The following MYT1L variants were observed in gnomAD, a reference collection of about 807,000 sequenced individuals.
The protein encoded by MYT1L is myelin transcription factor 1-like protein.
Under a neutral mutation model 126.7 loss-of-function variants are expected in MYT1L, and 12 were observed. That is an observed-to-expected ratio of 0.09 (90% CI 0.06 to 0.15). MYT1L has a LOEUF of 0.15. Ranked by LOEUF, MYT1L falls within the 10% of genes least tolerant of loss-of-function variation. MYT1L has a pLI of 1.00. For missense variants in MYT1L, 979 were observed against 1,585.2 expected (o/e 0.62, Z 6.49); for synonymous variants, 541 against 604.2 (o/e 0.90, Z 1.53).
At position 1,922,093 on chromosome 2, in the gene MYT1L, T is replaced by A. The variant is rs2149102257; in HGVS notation, c.1483+193A>T. ...AGTAATATGATGTTAAGCTGCTTTA[T>A]GTATTTCTCAGACAAATATTTTATT... On this transcript the variant is annotated intron_variant, in intron 10 of 24. Coordinates refer to ENST00000647738, the MANE Select transcript of MYT1L (RefSeq NM_001303052.2). The surrounding 1 kb of genome is among the most constrained non-coding windows in gnomAD (Gnocchi z 7.4). Among the ~76,000 whole-genome samples the A allele has an allele frequency of 6.6e-6, 1 of 152,356 alleles. No homozygotes were observed. Among genetic ancestry groups the A allele is most frequent in the South Asian group, 2.1e-4 (1 of 4,828 alleles).
intron 2 of MYT1L, among the ~76,000 whole-genome samples, chr2:2,209,584 C>CT (rs930544247): frequency 3.3e-5 from 5 of 152,196 alleles, no homozygotes; most frequent in Non-Finnish European, 5.9e-5. Context: ...GAATCTCATT[C>CT]TTTTTTATGG....
intron 18 of MYT1L, among the ~76,000 whole-genome samples, chr2:1,868,254 C>T (rs986974454): frequency 7.2e-5 from 11 of 152,208 alleles, no homozygotes; most frequent in African/African-American, 1.2e-4. Context: ...TGAGCCACCG[C>T]GCCCGGCCTT....
At chr2:2,285,579 C>T (rs2095508189) in intron 1 of MYT1L, among the ~76,000 whole-genome samples, 1 of 152,194 alleles carries the variant, frequency 6.6e-6, no homozygotes, top group African/African-American at 2.4e-5. Flanking sequence ...TTTACCTCTA[C>T]CTGGAATGCC....
intron 2 of MYT1L, among the ~76,000 whole-genome samples, chr2:2,271,744 C>T (rs2095267576): frequency 6.6e-6 from 1 of 152,210 alleles, no homozygotes; most frequent in Non-Finnish European, 1.5e-5. Flanking sequence ...TGTCCTCACT[C>T]TGGCATTGCT....
At position 1,912,631 on chromosome 2, in the gene MYT1L, A is replaced by G. The variant is rs182779386; in HGVS notation, c.1619-521T>C. 2.4e-4 allele frequency among the ~76,000 whole-genome samples: 37 copies of G among 152,332 alleles called. No individual in the cohort carries two copies. The highest frequency in any genetic ancestry group is 8.9e-4 in the African/African-American group (37 of 41,580). On this transcript the variant is annotated intron_variant, in intron 11 of 24. Transcript: ENST00000647738. The surrounding 1 kb of genome is among the most constrained non-coding windows in gnomAD (Gnocchi z 4.3). The stretch of plus-strand genomic sequence containing the variant: ...AGATGAATACAGAACCACAAACCTT[A>G]ATTTTAAATAAAATGAATTAAATAA...
chr2:2,091,769 C>G (rs142487199), intron 3 of MYT1L, among the ~76,000 whole-genome samples: 27 of 152,336 alleles, frequency 1.8e-4, no homozygotes, highest in African/African-American at 6.0e-4. Context: ...CTTGCTGCAG[C>G]TTCTCCATCA....
intron 3 of MYT1L, among the ~76,000 whole-genome samples, chr2:2,171,402 C>T (rs1362036856): frequency 6.6e-6 from 1 of 152,140 alleles, no homozygotes; most frequent in Non-Finnish European, 1.5e-5. Flanking sequence ...TAACTCAATG[C>T]CAGAATGCCA....
At position 1,892,017 on chromosome 2, in the gene MYT1L, A is replaced by C. The variant is rs769501571; in HGVS notation, c.2283+20T>G. 1.1e-5 allele frequency: 16 copies of C among 1,494,942 alleles called. No homozygotes were observed. In the African/African-American group the frequency reaches 2.0e-4, roughly 18 times the overall value. 92.6% of individuals were successfully genotyped at this position (1,494,942 alleles called of 1,614,324 possible). ...CCTCCCCCACCCGCCAGGTGGCTCCACCTGCCCAGGCGCGCGTACCCGCGT... is the reference window on the plus strand; with the variant it reads ...CCTCCCCCACCCGCCAGGTGGCTCCCCCTGCCCAGGCGCGCGTACCCGCGT... On this transcript the variant is annotated intron_variant, in intron 15 of 24. Coordinates refer to ENST00000647738, the MANE Select transcript of MYT1L (RefSeq NM_001303052.2).
chr2:2,312,427 A>G (rs918141849), intron 1 of MYT1L, among the ~76,000 whole-genome samples: 2 of 152,078 alleles, frequency 1.3e-5, no homozygotes, highest in Non-Finnish European at 2.9e-5. Context: ...CCTGGGCAAC[A>G]TGGTGAAACC....
At chr2:2,099,620 T>C (rs915773580) in intron 3 of MYT1L, among the ~76,000 whole-genome samples, 6 of 152,196 alleles carry the variant, frequency 3.9e-5, no homozygotes, top group African/African-American at 1.4e-4. Flanking sequence ...GGTACACACA[T>C]TTACTTAGCA....
At chr2:1,978,380 C>T (rs6727561) in intron 8 of MYT1L, among the ~76,000 whole-genome samples, 28,121 of 152,160 alleles carry the variant, frequency 0.18, 3,851 homozygotes, top group African/African-American at 0.39. Flanking sequence ...TTTTACCTCA[C>T]TATAATTGAA....
intron 3 of MYT1L, among the ~76,000 whole-genome samples, chr2:2,098,406 C>T (rs1369112622): frequency 6.6e-6 from 1 of 152,206 alleles, no homozygotes. Context: ...GTTCTTAACA[C>T]TGTATGTTCA....
At chr2:2,299,754 T>A (rs2149518669) in intron 1 of MYT1L, among the ~76,000 whole-genome samples, 1 of 152,322 alleles carries the variant, frequency 6.6e-6, no homozygotes, top group African/African-American at 2.4e-5. Flanking sequence ...AGTGAGAGAC[T>A]CTTACTCACA....
rs572982783 is a variant in MYT1L at position 1,942,745 on chromosome 2, A to T, written c.505+237T>A. Among the ~76,000 whole-genome samples, 4 of 152,356 alleles carry T rather than the reference A, an allele frequency of 2.6e-5. No homozygotes were observed. The East Asian group carries it at 7.7e-4, about 29-fold the overall frequency. On this transcript the variant is annotated intron_variant, in intron 9 of 24. Transcript: ENST00000647738. ...AAGTACACCATAAATATCTCAGTAA[A>T]TTACTGACAACCAAACTGAATAAAA...
In MYT1L at chr2:1,851,795, C is replaced by A. The variant is rs4553849; in HGVS notation, c.2712-92G>T. ...TTTTAATCCAAAAAGCAAACTAACT[C>A]TATTGCTTCACTTCCTACTTGAAAG... On this transcript the variant is annotated intron_variant, in intron 18 of 24. Transcript: ENST00000647738. 0.087 allele frequency: 105,285 copies of A among 1,216,458 alleles called. 6,185 individuals are homozygous for A. The highest frequency in any genetic ancestry group is 0.25 in the Admixed American group (14,524 of 57,462). The allele number at this position is 1,216,458 out of a possible 1,614,324, so 75.4% of individuals were successfully genotyped here. A position where few individuals can be genotyped will look rare whatever the true frequency, so the allele number is the denominator to read the frequency against.
rs541006492 is a variant in MYT1L, at chr2:2,161,110, C to T, written c.-304+11762G>A. Among the ~76,000 whole-genome samples, 36 of 152,186 alleles carry T rather than the reference C, an allele frequency of 2.4e-4. No homozygotes were observed. In the East Asian group the frequency reaches 6.8e-3, roughly 29 times the overall value. On this transcript the variant is annotated intron_variant, in intron 3 of 24. Coordinates refer to ENST00000647738, the MANE Select transcript of MYT1L (RefSeq NM_001303052.2). ...GTGGTGCGTTCTGTAGTCCCAGCTA[C>T]TCGGGAGGCTGAGAATTGCTTGAAC...
At chr2:2,234,406 A>G (rs1340070137) in intron 2 of MYT1L, among the ~76,000 whole-genome samples, 1 of 152,238 alleles carries the variant, frequency 6.6e-6, no homozygotes, top group Non-Finnish European at 1.5e-5. Flanking sequence ...CTGCGATTGT[A>G]CAAAAGTGCT....
chr2:2,004,310 C>G (rs1246725251), intron 4 of MYT1L, among the ~76,000 whole-genome samples: 1 of 144,776 alleles, frequency 6.9e-6, no homozygotes, highest in Admixed American at 6.9e-5. Context: ...TGCATGCGTT[C>G]TTTCCTGCAG....
At chr2:2,313,911 T>C (rs1383543149) in intron 1 of MYT1L, among the ~76,000 whole-genome samples, 1 of 152,178 alleles carries the variant, frequency 6.6e-6, no homozygotes, top group East Asian at 1.9e-4. Context: ...TAGAGACCAT[T>C]ATATGTTTAT....
Sources: gnomAD v4.1 joint callset for allele counts (sites outside exome capture counted in the v4.1 genomes callset) on GRCh38, gnomAD v4.1.1 for gene constraint, Gnocchi (gnomAD v3.1) non-coding constraint, MANE v1.5 for transcripts, NCBI Gene and HGNC (gene_info 2026-07-23, HGNC 2026-07-21) for gene names.